Variants in FLOT2 observed in about 807,000 individuals in gnomAD.
FLOT2 encodes the protein flotillin-2.
In FLOT2, 35 loss-of-function variants were observed where a neutral mutation model predicts 54.9. The ratio of observed to expected loss-of-function variants is 0.64; its 90% CI spans 0.49 to 0.84. FLOT2 has a LOEUF of 0.84. Among genes scored for constraint, FLOT2 ranks in the 40% least tolerant of loss-of-function variants. The probability of loss-of-function intolerance (pLI) is 0.00; values close to 1 mark genes in which losing one functional copy is unlikely to be tolerated. For missense variants in FLOT2, 464 were observed against 572.1 expected (o/e 0.81, Z 1.93); for synonymous variants, 207 against 228.9 (o/e 0.90, Z 0.86).
Position 28,884,992 on chromosome 17 carries a change from T to G in FLOT2, c.132-677A>C, listed in dbSNP as rs537375037. Among the ~76,000 whole-genome samples the G allele has an allele frequency of 6.6e-6, 1 of 152,334 alleles. No homozygotes were observed. Among genetic ancestry groups the G allele is most frequent in the Non-Finnish European group, 1.5e-5 (1 of 68,022 alleles). On this transcript the variant is annotated intron_variant, in intron 2 of 10. Transcript: ENST00000394908. The surrounding 1 kb of genome is among the most constrained non-coding windows in gnomAD (Gnocchi z 5.1). The stretch of plus-strand genomic sequence containing the variant: ...CTAGAGCTTCTTGGCCAAGGAGTGT[T>G]AACCCTGGAAAGAGTTGTTCTGGCC...
In FLOT2 at chr17:28,897,060, C is replaced by G. The variant is rs2039753597; in HGVS notation, c.49+466G>C. On this transcript the variant is annotated intron_variant, in intron 1 of 10. Coordinates refer to ENST00000394908, the MANE Select transcript of FLOT2 (RefSeq NM_004475.3). This position sits in a 1 kb window ranked among gnomAD's most constrained non-coding sequence, Gnocchi z 4.4. Reference sequence around the variant, plus strand: ...CCCAGCCTGCTTGGAATTAACGGGTCTGACTGTGCCGAGAAACGACCTCTG... The same window carrying G: ...CCCAGCCTGCTTGGAATTAACGGGTGTGACTGTGCCGAGAAACGACCTCTG... Among the ~76,000 whole-genome samples the G allele has an allele frequency of 6.6e-6, 1 of 152,222 alleles. No individual in the cohort carries two copies. The highest frequency in any genetic ancestry group is 2.4e-5 in the African/African-American group (1 of 41,472).
At chr17:28,887,028 G>GAGGA (rs895555938) in intron 2 of FLOT2, among the ~76,000 whole-genome samples, 25 of 151,848 alleles carry the variant, frequency 1.6e-4, no homozygotes, top group African/African-American at 5.1e-4. Context: ...GGGAGGGAGG[G>GAGGA]AGGAAGGGTA....
rs1461155988 is a variant in FLOT2 at position 28,884,205 on chromosome 17, G to A, written c.222+20C>T. The A allele has an allele frequency of 1.3e-6, 2 of 1,580,232 alleles. No homozygotes were observed. ...CCAGGCAGCTCAACGGACATGCGCAGGGCTGCTGAGTTACTATACCTGGGC... is the reference window on the plus strand; with the variant it reads ...CCAGGCAGCTCAACGGACATGCGCAAGGCTGCTGAGTTACTATACCTGGGC... On this transcript the variant is annotated intron_variant, in intron 3 of 10. Coordinates refer to ENST00000394908, the MANE Select transcript of FLOT2 (RefSeq NM_004475.3). The surrounding 1 kb of genome is among the most constrained non-coding windows in gnomAD (Gnocchi z 5.1).
chr17:28,888,923 C>T (rs769034477), intron 2 of FLOT2, 22 bp downstream of exon 2: 1 of 1,608,304 alleles, frequency 6.2e-7, no homozygotes, highest in African/African-American at 1.3e-5. Flanking sequence ...CATGACAGGT[C>T]CTAGAGCCCC....
At chr17:28,891,923 CCAGTTT>C (rs1369674446) in intron 1 of FLOT2, among the ~76,000 whole-genome samples, 1 of 152,168 alleles carries the variant, frequency 6.6e-6, no homozygotes, top group Non-Finnish European at 1.5e-5. Context: ...GGTAGGTAAC[CCAGTTT>C]TCTGGGTCTG....
chr17:28,882,364 G>C lies in FLOT2; in HGVS notation c.552C>G (p.Ala184=), dbSNP rs759256521. 2 of 1,613,970 alleles carry C rather than the reference G, an allele frequency of 1.2e-6. No individual in the cohort carries two copies. Among genetic ancestry groups the C allele is most frequent in the Admixed American group, 1.7e-5 (1 of 60,014 alleles). The change falls in exon 6 of 11, where the codon GCC becomes GCG. Residue 184 remains alanine, a synonymous_variant. Coordinates refer to ENST00000394908, the MANE Select transcript of FLOT2 (RefSeq NM_004475.3). The surrounding 1 kb of genome is among the most constrained non-coding windows in gnomAD (Gnocchi z 5.6). ...GGATGCCTGCGTCCCGTTCAGCCTC[G>C]GCCACGCCAATGTCAGCATCTCTCT... ...VVQRDADIGV[A]EAERDAGIRE... is the part of the protein sequence containing the mutation.
At position 28,880,692 on chromosome 17, in the gene FLOT2, C is replaced by T. The variant is rs60578192; in HGVS notation, c.1248+21G>A. On this transcript the variant is annotated intron_variant, in intron 10 of 10. Transcript: ENST00000394908. ...CGACGGGCTACCTGGGCAACCCCACCGCAGCTAGGCAGGCACATACCTTAG... is the reference window on the plus strand; with the variant it reads ...CGACGGGCTACCTGGGCAACCCCACTGCAGCTAGGCAGGCACATACCTTAG... 6,632 of 1,614,060 alleles carry T rather than the reference C, an allele frequency of 4.1e-3. 200 individuals carry two copies. In the African/African-American group the frequency reaches 0.074, roughly 18 times the overall value.
At chr17:28,885,265 G>T (rs912190723) in intron 2 of FLOT2, among the ~76,000 whole-genome samples, 8 of 152,216 alleles carry the variant, frequency 5.3e-5, no homozygotes, top group Non-Finnish European at 8.8e-5. Flanking sequence ...TGGCAGGATG[G>T]GTGAAGAAGG....
chr17:28,884,701 G>A lies in FLOT2; in HGVS notation c.132-386C>T, dbSNP rs144499378. ...CCCGGCCCTGCTGTGCAGGCCATCC[G>A]TGGATGTCAACTGAGCCTCCCACAG... is the stretch of plus-strand genomic sequence containing the variant. On this transcript the variant is annotated intron_variant, in intron 2 of 10. Coordinates refer to ENST00000394908, the MANE Select transcript of FLOT2 (RefSeq NM_004475.3). The surrounding 1 kb of genome is among the most constrained non-coding windows in gnomAD (Gnocchi z 5.1). 1.3e-5 allele frequency among the ~76,000 whole-genome samples: 2 copies of A among 152,330 alleles called. No homozygotes were observed. The highest frequency in any genetic ancestry group is 4.8e-5 in the African/African-American group (2 of 41,566).
Position 28,882,146 on chromosome 17 carries a change from G to T in FLOT2, c.671C>A (p.Ser224Ter). The T allele has an allele frequency of 6.2e-7, 1 of 1,614,156 alleles. No homozygotes were observed. The highest frequency in any genetic ancestry group is 1.1e-5 in the South Asian group (1 of 91,066). The change falls in exon 7 of 11, where the codon TCA becomes TAA. Residue 224 changes from serine (S) to a stop codon, truncating the protein, a stop_gained. Coordinates refer to ENST00000394908, the MANE Select transcript of FLOT2 (RefSeq NM_004475.3). LOFTEE classifies it high-confidence loss of function. The surrounding 1 kb of genome is among the most constrained non-coding windows in gnomAD (Gnocchi z 5.6). The part of the protein sequence containing the change: ...DSKRAFELQK[S>*]AFSEEVNIKT... ...GATGTTAACCTCCTCACTGAAGGCT[G>T]ACTTTTGCAGCTCGAAGGCTCGCTT... is the stretch of plus-strand genomic sequence containing the variant.
In FLOT2 at chr17:28,888,968, C is replaced by A. The variant is rs369088966; in HGVS notation, c.108G>T (p.Trp36Cys). 1.2e-6 allele frequency: 2 copies of A among 1,613,958 alleles called. No individual in the cohort carries two copies. Among genetic ancestry groups the A allele is most frequent in the East Asian group, 2.2e-5 (1 of 44,896 alleles). The change falls in exon 2 of 11, where the codon TGG (tryptophan) becomes TGT (cysteine). Residue 36 changes from tryptophan (W) to cysteine (C), a missense_variant. Physicochemically the swap from Trp to Cys is radical, Grantham distance 215. Coordinates refer to ENST00000394908, the MANE Select transcript of FLOT2 (RefSeq NM_004475.3). ...ACCTCTGAGTGTCGGAGATACACCA[C>A]CAGGCCCAGGCCCAGCCGCCAAACA... ...QYVFGGWAWA[W>C]WCISDTQRIS...
intron 1 of FLOT2, among the ~76,000 whole-genome samples, chr17:28,890,012 G>A (rs1323666451): frequency 6.6e-6 from 1 of 152,154 alleles, no homozygotes; most frequent in African/African-American, 2.4e-5. Context: ...GGGGGGTGTA[G>A]ACAGAGAGGG....
chr17:28,889,101 T>G lies in FLOT2; in HGVS notation c.50-75A>C, dbSNP rs1033481708. 5.2e-5 allele frequency: 66 copies of G among 1,259,828 alleles called. 1 individual carries two copies. In the South Asian group the frequency reaches 7.8e-4, roughly 15 times the overall value. 78.0% of individuals were successfully genotyped at this position (1,259,828 alleles called of 1,614,324 possible). A position where few individuals can be genotyped will look rare whatever the true frequency, so the allele number is the denominator to read the frequency against. ...TACCCTCCAGCCCACTGATAGCAAC[T>G]TTTGTCCTTTACCTGCTCTGATACT... On this transcript the variant is annotated intron_variant, in intron 1 of 10. Coordinates refer to ENST00000394908, the MANE Select transcript of FLOT2 (RefSeq NM_004475.3).
intron 1 of FLOT2, among the ~76,000 whole-genome samples, chr17:28,890,655 G>A (rs912389693): frequency 6.6e-6 from 1 of 152,098 alleles, no homozygotes; most frequent in Admixed American, 6.5e-5. Flanking sequence ...CAAAGTGCTG[G>A]GATTACAGGC....
chr17:28,896,475 G>T (rs1385036707), intron 1 of FLOT2, among the ~76,000 whole-genome samples: 1 of 152,116 alleles, frequency 6.6e-6, no homozygotes, highest in Non-Finnish European at 1.5e-5. Flanking sequence ...TCTTCAGGGG[G>T]GTAGGGTACT....
chr17:28,884,813 C>T lies in FLOT2; in HGVS notation c.132-498G>A, dbSNP rs2039513839. 6.6e-6 allele frequency among the ~76,000 whole-genome samples: 1 copy of T among 152,176 alleles called. No individual in the cohort carries two copies. Among genetic ancestry groups the T allele is most frequent in the Non-Finnish European group, 1.5e-5 (1 of 68,022 alleles). ...AAGCTCTGCCTGATTGCCTGGCATC[C>T]TGGAGTATGCCTACTGCTGGGCTAA... On this transcript the variant is annotated intron_variant, in intron 2 of 10. Transcript: ENST00000394908. This position sits in a 1 kb window ranked among gnomAD's most constrained non-coding sequence, Gnocchi z 5.1.
chr17:28,897,673 GC>G lies in FLOT2; in HGVS notation c.-100del. The G allele has an allele frequency of 9.1e-7, 1 of 1,098,996 alleles. No homozygotes were observed. The highest frequency in any genetic ancestry group is 1.2e-6 in the Non-Finnish European group (1 of 852,090). 68.1% of individuals were successfully genotyped at this position (1,098,996 alleles called of 1,614,324 possible). On this transcript the variant is annotated 5_prime_UTR_variant, in exon 1 of 11. Transcript: ENST00000394908. The surrounding 1 kb of genome is among the most constrained non-coding windows in gnomAD (Gnocchi z 4.4). ...CGCCCAGCCTATCCCGCCACCCCCA[GC>G]GGCCGGCCGCCCGCTCGCTCGCCCG...
chr17:28,881,686 C>T lies in FLOT2; in HGVS notation c.914+128G>A, dbSNP rs952255769. The T allele has an allele frequency of 1.1e-5, 9 of 843,998 alleles. No individual in the cohort carries two copies. In the African/African-American group the frequency reaches 1.3e-4, roughly 13 times the overall value. The allele number at this position is 843,998 out of a possible 1,614,324, so 52.3% of individuals were successfully genotyped here. A position where few individuals can be genotyped will look rare whatever the true frequency, so the allele number is the denominator to read the frequency against. On this transcript the variant is annotated intron_variant, in intron 8 of 10. Transcript: ENST00000394908. The stretch of plus-strand genomic sequence containing the variant: ...GGGACATGGGGTTATCCTCACTTCA[C>T]AGTGAGTAAGAAGACACAGTGGAGG...
chr17:28,886,058 C>CGGGGG (rs57069941), intron 2 of FLOT2: 7 of 475,466 alleles, frequency 1.5e-5, no homozygotes, highest in South Asian at 9.2e-5. Flanking sequence ...CGCCTGGGGG[C>CGGGGG]GGGGGGGGGC....
Sources: gnomAD v4.1 joint callset for allele counts (sites outside exome capture counted in the v4.1 genomes callset) on GRCh38, gnomAD v4.1.1 for gene constraint, Gnocchi (gnomAD v3.1) non-coding constraint, MANE v1.5 for transcripts, NCBI Gene and HGNC (gene_info 2026-07-23, HGNC 2026-07-21) for gene names.